ME3: variants seen among roughly 807,000 people sequenced by gnomAD.
ME3 encodes the protein NADP-dependent malic enzyme, mitochondrial.
Under a neutral mutation model 68.9 loss-of-function variants are expected in ME3, and 48 were observed. The ratio of observed to expected loss-of-function variants is 0.70; its 90% CI spans 0.55 to 0.89. The LOEUF (loss-of-function observed/expected upper bound fraction) is 0.89. Among genes scored for constraint, ME3 ranks in the 40% least tolerant of loss-of-function variants. ME3 has a pLI of 0.00. For missense variants in ME3, 675 were observed against 797.4 expected, an observed-to-expected ratio of 0.85 and a Z score of 1.85; for synonymous variants, 320 against 318.8, an observed-to-expected ratio of 1.00 and a Z score of -0.04.
chr11:86,508,787 C>T lies in ME3; in HGVS notation c.543+5G>A. The T allele has an allele frequency of 6.2e-7, 1 of 1,606,724 alleles. No homozygotes were observed. Among genetic ancestry groups the T allele is most frequent in the Non-Finnish European group, 8.5e-7 (1 of 1,173,352 alleles). On this transcript the variant is annotated splice_donor_5th_base_variant and intron_variant, in intron 5 of 14. Coordinates refer to ENST00000543262, the Ensembl canonical transcript of ME3. The stretch of plus-strand genomic sequence containing the variant: ...GATTAAATAGCAATGAAAACGGGAT[C>T]ATACCTTAATATTGTCTTCTGGCCA...
chr11:86,497,907 C>T (rs2139016151), intron 6 of ME3, 56 bp downstream of exon 6: 1 of 1,528,952 alleles, frequency 6.5e-7, no homozygotes, highest in Non-Finnish European at 8.8e-7. Context: ...TGCTCCTCAC[C>T]CTGTCCCAGT....
At chr11:86,439,033 GTCTC>G (rs972423583), downstream of ME3, among the ~76,000 whole-genome samples, 6 of 152,176 alleles carry the variant, frequency 3.9e-5, no homozygotes, top group Admixed American at 1.3e-4. Context: ...GTAGGAGTAA[GTCTC>G]TCTTACTCAA....
At chr11:86,589,959 G>C (rs1958965128) in intron 2 of ME3, among the ~76,000 whole-genome samples, 1 of 152,106 alleles carries the variant, frequency 6.6e-6, no homozygotes, top group African/African-American at 2.4e-5. Context: ...CTTTTGAGGT[G>C]AGTAGTGTTT....
intron 2 of ME3, among the ~76,000 whole-genome samples, chr11:86,628,582 C>T (rs1405327543): frequency 6.6e-6 from 1 of 152,176 alleles, no homozygotes; most frequent in Non-Finnish European, 1.5e-5. Context: ...AATCAGTGTC[C>T]TACAGTGGCT....
chr11:86,537,541 G>A (rs964297711), intron 4 of ME3, among the ~76,000 whole-genome samples: 58 of 152,178 alleles, frequency 3.8e-4, no homozygotes, highest in African/African-American at 1.3e-3. Flanking sequence ...GCCTTGATTT[G>A]AGCTGATTAA....
At chr11:86,573,428 C>CTT (rs33973657) in intron 2 of ME3, among the ~76,000 whole-genome samples, 29,129 of 142,878 alleles carry the variant, frequency 0.2, 3,475 homozygotes, top group Non-Finnish European at 0.28. Flanking sequence ...ACATTTTAGT[C>CTT]TTTTTTTTTT....
At chr11:86,474,617 T>C (rs1950961548) in intron 7 of ME3, among the ~76,000 whole-genome samples, 2 of 152,202 alleles carry the variant, frequency 1.3e-5, no homozygotes, top group African/African-American at 4.8e-5. Flanking sequence ...TGTCCTTAGA[T>C]TGTGCATATC....
At chr11:86,506,856 A>C (rs1565874558) in intron 5 of ME3, among the ~76,000 whole-genome samples, 1 of 152,232 alleles carries the variant, frequency 6.6e-6, no homozygotes, top group Non-Finnish European at 1.5e-5. Flanking sequence ...GGCTTCCCTT[A>C]ATGTCCTCAA....
intron 8 of ME3, among the ~76,000 whole-genome samples, chr11:86,459,358 C>T (rs1174011134): frequency 6.6e-6 from 1 of 152,160 alleles, no homozygotes; most frequent in Admixed American, 6.5e-5. Context: ...AAATCTCTGC[C>T]TTAAGTCTCC....
intron 4 of ME3, among the ~76,000 whole-genome samples, chr11:86,536,800 G>T (rs1056238031): frequency 6.6e-6 from 1 of 151,930 alleles, no homozygotes; most frequent in Non-Finnish European, 1.5e-5. Flanking sequence ...ATACCCAAAG[G>T]ATTATAAATC....
chr11:86,576,335 C>T (rs7109555), intron 2 of ME3, among the ~76,000 whole-genome samples: 37,411 of 151,968 alleles, frequency 0.25, 5,213 homozygotes, highest in East Asian at 0.54. Context: ...CAGGCACTGC[C>T]GCCTCCCCTC....
intron 8 of ME3, among the ~76,000 whole-genome samples, chr11:86,460,363 G>T (rs3758877): frequency 0.076 from 11,648 of 152,298 alleles, 498 homozygotes; most frequent in South Asian, 0.11. Flanking sequence ...GTGATTCTGA[G>T]CACATGGTAC....
chr11:86,625,515 G>T (rs1416475071), intron 2 of ME3, among the ~76,000 whole-genome samples: 1 of 152,100 alleles, frequency 6.6e-6, no homozygotes, highest in African/African-American at 2.4e-5. Flanking sequence ...AAGAGACCTG[G>T]GTTTGAATCC....
chr11:86,566,859 T>C (rs1480360129), intron 2 of ME3, among the ~76,000 whole-genome samples: 1 of 152,132 alleles, frequency 6.6e-6, no homozygotes, highest in East Asian at 1.9e-4. Context: ...TCCCAGGACG[T>C]TGGTGAGACG....
intron 2 of ME3, 99 bp downstream of exon 2, chr11:86,671,663 G>T (rs1298796294): frequency 2.6e-5 from 38 of 1,466,086 alleles, no homozygotes; most frequent in Non-Finnish European, 3.3e-5. Context: ...CCGCTGGAAG[G>T]GCGCCCGGGA....
intron 2 of ME3, among the ~76,000 whole-genome samples, chr11:86,637,152 C>G (rs2135358264): frequency 6.6e-6 from 1 of 152,244 alleles, no homozygotes; most frequent in East Asian, 1.9e-4. Context: ...TTATACGTAA[C>G]TAATATCTAT....
chr11:86,465,312 C>T, intron 7 of ME3, 112 bp from the exon 8 acceptor site: 1 of 779,354 alleles, frequency 1.3e-6, no homozygotes, highest in Non-Finnish European at 2.3e-6. Context: ...TGGGAGGTGG[C>T]ATGGCTCCTT....
intron 4 of ME3, among the ~76,000 whole-genome samples, chr11:86,541,312 G>A (rs1363645526): frequency 6.6e-6 from 1 of 152,082 alleles, no homozygotes; most frequent in Non-Finnish European, 1.5e-5. Context: ...TCACTTGCCT[G>A]GAAAGGGGGC....
At chr11:86,616,495 A>G (rs1942967347) in intron 2 of ME3, among the ~76,000 whole-genome samples, 1 of 152,234 alleles carries the variant, frequency 6.6e-6, no homozygotes, top group African/African-American at 2.4e-5. Flanking sequence ...TATCAATACT[A>G]TAGTTCATTC....
Sources: gnomAD v4.1 joint callset for allele counts (sites outside exome capture counted in the v4.1 genomes callset) on GRCh38, gnomAD v4.1.1 for gene constraint, MANE v1.5 for transcripts, NCBI Gene and HGNC (gene_info 2026-07-23, HGNC 2026-07-21) for gene names.